The following BTRC variants were observed in gnomAD, a reference collection of about 807,000 sequenced individuals.
BTRC encodes beta-transducin repeat containing E3 ubiquitin protein ligase.
BTRC carries 42 observed loss-of-function variants against 85.5 expected under a neutral mutation model. The observed-to-expected ratio is 0.49, with a 90% CI of 0.38 to 0.64. The LOEUF (loss-of-function observed/expected upper bound fraction) is 0.64, where lower values mean the gene tolerates loss of function less well. Among genes scored for constraint, BTRC ranks in the 30% least tolerant of loss-of-function variants. The pLI is 0.00. For synonymous variants in BTRC, 255 were observed against 263.3 expected, an observed-to-expected ratio of 0.97 and a Z score of 0.30; for missense variants, 594 against 743.5, an observed-to-expected ratio of 0.80 and a Z score of 2.34.
chr10:101,455,230 T>C (rs994577974), intron 2 of BTRC, among the ~76,000 whole-genome samples: 1 of 151,598 alleles, frequency 6.6e-6, no homozygotes, highest in Admixed American at 6.6e-5. Flanking sequence ...TTTTTTTTTT[T>C]TTTTTATGTA....
At chr10:101,457,674 G>T (rs887182446) in intron 2 of BTRC, among the ~76,000 whole-genome samples, 2 of 152,240 alleles carry the variant, frequency 1.3e-5, no homozygotes, top group African/African-American at 4.8e-5. Flanking sequence ...GGAATCTGTT[G>T]TTCTGAGCAG....
At chr10:101,473,870 T>C (rs1945605990) in intron 3 of BTRC, among the ~76,000 whole-genome samples, 2 of 152,188 alleles carry the variant, frequency 1.3e-5, no homozygotes, top group Admixed American at 1.3e-4. Context: ...AGTGCTGGGA[T>C]TACAGGCATG....
intron 3 of BTRC, among the ~76,000 whole-genome samples, chr10:101,477,276 C>T (rs1945715401): frequency 6.6e-6 from 1 of 152,112 alleles, no homozygotes; most frequent in South Asian, 2.1e-4. Flanking sequence ...GCTGGGATTA[C>T]AGGTGTTAGC....
intron 1 of BTRC, among the ~76,000 whole-genome samples, chr10:101,377,586 G>T (rs10883630): frequency 0.36 from 54,874 of 151,900 alleles, 11,008 homozygotes; most frequent in Middle Eastern, 0.47. Flanking sequence ...AGGTGTATAG[G>T]GATATCCTAT....
Position 101,521,694 on chromosome 10 carries a change from C to A in BTRC, c.380C>A (p.Ser127Ter), listed in dbSNP as rs2062108495. 1 of 1,614,040 alleles carries A rather than the reference C, an allele frequency of 6.2e-7. No individual in the cohort carries two copies. Among genetic ancestry groups the A allele is most frequent in the South Asian group, 1.1e-5 (1 of 91,084 alleles). The change falls in exon 5 of 15, where the codon TCA becomes TAA. Residue 127 changes from serine to a stop codon, truncating the protein, a stop_gained. Transcript: ENST00000370187. LOFTEE classifies it high-confidence loss of function. Reference sequence around the variant, plus strand: ...ATTGTGCCCAAGCAACGGAAACTCTCAGCAAGCTATGAAAAGGAAAAGGAA... The same window carrying A: ...ATTGTGCCCAAGCAACGGAAACTCTAAGCAAGCTATGAAAAGGAAAAGGAA... ...SMIVPKQRKL[S>*]ASYEKEKELC...
chr10:101,398,757 G>A (rs558144735), intron 1 of BTRC, among the ~76,000 whole-genome samples: 17 of 152,170 alleles, frequency 1.1e-4, no homozygotes, highest in Admixed American at 7.8e-4. Context: ...TTGTAAACTC[G>A]TCAGTTATAA....
chr10:101,404,739 C>A (rs1943578131), intron 1 of BTRC, among the ~76,000 whole-genome samples: 1 of 152,152 alleles, frequency 6.6e-6, no homozygotes, highest in Non-Finnish European at 1.5e-5. Context: ...TGGCTCACGC[C>A]TGTAATCCCA....
intron 1 of BTRC, among the ~76,000 whole-genome samples, chr10:101,408,206 G>A (rs1943681519): frequency 6.6e-6 from 1 of 152,012 alleles, no homozygotes; most frequent in Admixed American, 6.5e-5. Context: ...AGTATGTTTA[G>A]ACCATACATT....
chr10:101,522,729 T>G (rs562005628), intron 5 of BTRC, among the ~76,000 whole-genome samples: 47 of 151,900 alleles, frequency 3.1e-4, no homozygotes, highest in African/African-American at 4.1e-4. Context: ...CCAAGACTCC[T>G]TTTACCTATC....
intron 1 of BTRC, among the ~76,000 whole-genome samples, chr10:101,381,962 C>CTTTTTTTTTTTTTTTTTTT (rs71016314): frequency 2.0e-5 from 1 of 49,156 alleles, no homozygotes; most frequent in African/African-American, 1.1e-4. Flanking sequence ...CTAAGAATGT[C>CTTTTTTTTTTTTTTTTTTT]TTTTTTTTTT....
intron 4 of BTRC, among the ~76,000 whole-genome samples, chr10:101,504,159 TG>T (rs1281195335): frequency 6.6e-6 from 1 of 152,172 alleles, no homozygotes; most frequent in Non-Finnish European, 1.5e-5. Context: ...GACATCTAGG[TG>T]AACAACCTCC....
intron 13 of BTRC, among the ~76,000 whole-genome samples, chr10:101,544,703 G>T (rs955095141): frequency 1.3e-5 from 2 of 152,026 alleles, no homozygotes; most frequent in Admixed American, 6.6e-5. Context: ...AAGCCACTGC[G>T]CCTGGCTCTG....
chr10:101,493,859 A>G (rs1311181438), intron 4 of BTRC, among the ~76,000 whole-genome samples: 1 of 152,234 alleles, frequency 6.6e-6, no homozygotes, highest in Non-Finnish European at 1.5e-5. Flanking sequence ...GTGTAATAAA[A>G]CTGTGGCTTA....
chr10:101,401,240 C>A (rs1417611602), intron 1 of BTRC, among the ~76,000 whole-genome samples: 1 of 152,124 alleles, frequency 6.6e-6, no homozygotes, highest in Non-Finnish European at 1.5e-5. Flanking sequence ...AAAACCTAAT[C>A]AGAGGTAAAT....
chr10:101,360,044 A>T lies in BTRC; in HGVS notation c.48+5816A>T, dbSNP rs1361602874. On this transcript the variant is annotated intron_variant, in intron 1 of 14. Coordinates refer to ENST00000370187, the MANE Select transcript of BTRC (RefSeq NM_033637.4). ...AAATTAGAAAATAAACTTTCAAAAG[A>T]GATCTCTTTTTTTTAAAAAAACTTA... 2.0e-5 allele frequency among the ~76,000 whole-genome samples: 3 copies of T among 147,340 alleles called. No homozygotes were observed. In the East Asian group the frequency reaches 5.9e-4, roughly 29 times the overall value.
At chr10:101,365,626 T>TGC in intron 1 of BTRC, among the ~76,000 whole-genome samples, 2 of 151,356 alleles carry the variant, frequency 1.3e-5, no homozygotes, top group Non-Finnish European at 2.9e-5. Context: ...CAGGTGTGCA[T>TGC]CACCACACTC....
rs189369612 is a variant in BTRC at position 101,537,288 on chromosome 10, G to A, written c.1577+635G>A. ...CATGCATTTAATCCCAGCACTTTGG[G>A]AGACCGAGACAGGTGGATCATTTGA... On this transcript the variant is annotated intron_variant, in intron 12 of 14. Transcript: ENST00000370187. 3.4e-3 allele frequency among the ~76,000 whole-genome samples: 520 copies of A among 152,298 alleles called. 3 individuals carry two copies. The highest frequency in any genetic ancestry group is 6.8e-3 in the Non-Finnish European group (464 of 68,026).
chr10:101,476,254 C>A (rs1479185696), intron 3 of BTRC, among the ~76,000 whole-genome samples: 1 of 151,744 alleles, frequency 6.6e-6, no homozygotes, highest in East Asian at 1.9e-4. Context: ...ATAAGAGGAG[C>A]CCTAAGAGAC....
intron 3 of BTRC, among the ~76,000 whole-genome samples, chr10:101,464,092 A>C (rs1945302739): frequency 6.6e-6 from 1 of 152,208 alleles, no homozygotes; most frequent in Non-Finnish European, 1.5e-5. Flanking sequence ...GGGAAGTAGG[A>C]ACACTCTGCC....
Sources: allele counts gnomAD v4.1 joint callset (sites outside exome capture counted in the v4.1 genomes callset), GRCh38; gene constraint gnomAD v4.1.1; transcripts MANE v1.5; gene names NCBI Gene and HGNC (gene_info 2026-07-23, HGNC 2026-07-21).